CREB5: variants seen among roughly 807,000 people sequenced by gnomAD.
CREB5 encodes the protein cAMP responsive element binding protein 5, also known as cyclic AMP-responsive element-binding protein 5.
A neutral mutation model predicts 57.1 loss-of-function variants in CREB5; 19 were observed. The observed-to-expected ratio is 0.33, with a 90% CI of 0.23 to 0.49. The LOEUF (loss-of-function observed/expected upper bound fraction) is 0.49, where lower values mean the gene tolerates loss of function less well. Among genes scored for constraint, CREB5 ranks in the 20% least tolerant of loss-of-function variants. CREB5 has a pLI of 0.99. For missense variants in CREB5, 579 were observed against 671.6 expected (o/e 0.86, Z 1.52); for synonymous variants, 238 against 238.3 (o/e 1.00, Z 0.01).
intron 1 of CREB5, among the ~76,000 whole-genome samples, chr7:28,344,474 T>C (rs1299282542): frequency 6.6e-6 from 1 of 152,222 alleles, no homozygotes; most frequent in Admixed American, 6.5e-5. Flanking sequence ...TATGGATTTA[T>C]TTCTTGACTC....
intron 5 of CREB5, among the ~76,000 whole-genome samples, chr7:28,584,725 T>C (rs1186482777): frequency 6.6e-6 from 1 of 151,714 alleles, no homozygotes; most frequent in Non-Finnish European, 1.5e-5. Context: ...AGAAAACGAA[T>C]ACATGTGTCT....
intron 1 of CREB5, among the ~76,000 whole-genome samples, chr7:28,436,711 T>C (rs1158074189): frequency 6.6e-6 from 1 of 152,164 alleles, no homozygotes; most frequent in Non-Finnish European, 1.5e-5. Context: ...TGTTGAATTT[T>C]AGCATTAGGT....
chr7:28,380,601 C>T (rs1219792939), intron 1 of CREB5, among the ~76,000 whole-genome samples: 8 of 152,076 alleles, frequency 5.3e-5, no homozygotes, highest in Non-Finnish European at 1.0e-4. Context: ...GCATCACATC[C>T]GAGGGGTGGG....
At chr7:28,493,383 C>T (rs987681136) in intron 2 of CREB5, among the ~76,000 whole-genome samples, 3 of 152,272 alleles carry the variant, frequency 2.0e-5, no homozygotes, top group Non-Finnish European at 4.4e-5. Flanking sequence ...GCTATAATAA[C>T]AAATTACCCC....
chr7:28,696,299 A>C (rs1325583738), intron 5 of CREB5, among the ~76,000 whole-genome samples: 1 of 152,246 alleles, frequency 6.6e-6, no homozygotes, highest in African/African-American at 2.4e-5. Context: ...CTGCATCTTC[A>C]GCTGTGCGGA....
chr7:28,639,682 C>T (rs189436803), intron 5 of CREB5, among the ~76,000 whole-genome samples: 3 of 152,198 alleles, frequency 2.0e-5, no homozygotes, highest in Admixed American at 1.3e-4. Flanking sequence ...AAGAACAGAC[C>T]TCAAGGAGCC....
intron 1 of CREB5, among the ~76,000 whole-genome samples, chr7:28,486,670 T>TTATATATATATATATATA (rs139222705): frequency 0.028 from 2,499 of 88,756 alleles, 218 homozygotes; most frequent in Admixed American, 0.047. Context: ...TCCTATGATT[T>TTATATATATATATATATA]TATATATATA....
At chr7:28,557,369 A>G (rs750404024) in intron 4 of CREB5, among the ~76,000 whole-genome samples, 7 of 152,218 alleles carry the variant, frequency 4.6e-5, no homozygotes, top group Non-Finnish European at 7.3e-5. Flanking sequence ...ACGAAAATGA[A>G]TTCATGACTT....
intron 7 of CREB5, among the ~76,000 whole-genome samples, chr7:28,777,569 T>G (rs957087219): frequency 6.6e-6 from 1 of 152,038 alleles, no homozygotes; most frequent in African/African-American, 2.4e-5. Context: ...AAAGAAAAAA[T>G]AAGACAGTGG....
In CREB5 at chr7:28,560,881, T is replaced by TGTGTGC. The variant is rs1554344374; in HGVS notation, c.292-9483_292-9482insTGTGCG. On this transcript the variant is annotated intron_variant, in intron 4 of 10. Transcript: ENST00000357727. ...GTGCGTGTGCCTGCGTGCGCGTGCGTGCGTGCGTGTGTGTGCGTGCGCGCG... is the reference window on the plus strand; with the variant it reads ...GTGCGTGTGCCTGCGTGCGCGTGCGTGTGTGCGCGTGCGTGTGTGTGCGTGCGCGCG... Among the ~76,000 whole-genome samples, 70 of 46,232 alleles carry TGTGTGC rather than the reference T, an allele frequency of 1.5e-3. 4 individuals are homozygous for TGTGTGC. The highest frequency in any genetic ancestry group is 3.1e-3 in the South Asian group (3 of 964). 30.3% of individuals were successfully genotyped at this position (46,232 alleles called of 152,430 possible).
chr7:28,530,919 A>G (rs1793700703), intron 4 of CREB5, among the ~76,000 whole-genome samples: 1 of 152,202 alleles, frequency 6.6e-6, no homozygotes, highest in Admixed American at 6.5e-5. Context: ...TGAGCTTAGG[A>G]AAAACCTTGT....
At chr7:28,567,948 A>C (rs768660118) in intron 4 of CREB5, among the ~76,000 whole-genome samples, 1 of 152,160 alleles carries the variant, frequency 6.6e-6, no homozygotes, top group Non-Finnish European at 1.5e-5. Context: ...TGGGAGGGGA[A>C]CCTCACAAAT....
At chr7:28,553,544 A>G (rs1470109519) in intron 4 of CREB5, among the ~76,000 whole-genome samples, 2 of 152,240 alleles carry the variant, frequency 1.3e-5, no homozygotes, top group African/African-American at 4.8e-5. Flanking sequence ...TGATTTCAGC[A>G]TTAAGTGTGA....
intron 7 of CREB5, among the ~76,000 whole-genome samples, chr7:28,729,731 T>C (rs1803511691): frequency 7.9e-6 from 1 of 126,474 alleles, no homozygotes; most frequent in South Asian, 2.6e-4. Flanking sequence ...TAAAAAGCAA[T>C]GAATGAATAG....
intron 1 of CREB5, among the ~76,000 whole-genome samples, chr7:28,373,861 G>A (rs1279205271): frequency 3.3e-5 from 5 of 151,450 alleles, no homozygotes; most frequent in Non-Finnish European, 5.9e-5. Flanking sequence ...TTCATAAAAT[G>A]CCGCCAGTGA....
intron 7 of CREB5, among the ~76,000 whole-genome samples, chr7:28,740,896 C>T (rs1381288325): frequency 3.3e-5 from 5 of 151,698 alleles, no homozygotes; most frequent in African/African-American, 7.3e-5. Flanking sequence ...GATATTTACT[C>T]AGGCAAAAAA....
At chr7:28,675,471 A>G (rs1002415243) in intron 5 of CREB5, among the ~76,000 whole-genome samples, 1 of 152,166 alleles carries the variant, frequency 6.6e-6, no homozygotes, top group Non-Finnish European at 1.5e-5. Context: ...TGTCTTCCTC[A>G]GCTAAAGTCT....
intron 1 of CREB5, among the ~76,000 whole-genome samples, chr7:28,311,948 G>C (rs1272333778): frequency 6.6e-6 from 1 of 152,138 alleles, no homozygotes; most frequent in East Asian, 1.9e-4. Flanking sequence ...TCAGAGGTTT[G>C]GGCTGTTAGG....
intron 1 of CREB5, among the ~76,000 whole-genome samples, chr7:28,341,506 G>A (rs1785936239): frequency 6.6e-6 from 1 of 152,154 alleles, no homozygotes; most frequent in Non-Finnish European, 1.5e-5. Context: ...CTACTTCCTG[G>A]TTGATACTAA....
Sources: gnomAD v4.1 joint callset for allele counts (sites outside exome capture counted in the v4.1 genomes callset) on GRCh38, gnomAD v4.1.1 for gene constraint, MANE v1.5 for transcripts, NCBI Gene and HGNC (gene_info 2026-07-23, HGNC 2026-07-21) for gene names.